The following KLRG1 variants were observed in gnomAD, a reference collection of about 807,000 sequenced individuals.
KLRG1 encodes killer cell lectin like receptor G1.
A neutral mutation model predicts 21.8 loss-of-function variants in KLRG1; 16 were observed. The observed-to-expected ratio is 0.73, with a 90% CI of 0.50 to 1.11. The LOEUF (loss-of-function observed/expected upper bound fraction) is 1.11. Ranked by LOEUF, KLRG1 falls within the 50% of genes most tolerant of loss-of-function variation. KLRG1 has a pLI of 0.00. For missense variants in KLRG1, 173 were observed against 218.3 expected (o/e 0.79, Z 1.31); for synonymous variants, 69 against 75.9 (o/e 0.91, Z 0.47).
intron 1 of KLRG1, among the ~76,000 whole-genome samples, chr12:8,968,504 A>C (rs1215869509): frequency 6.6e-6 from 1 of 152,194 alleles, no homozygotes; most frequent in Non-Finnish European, 1.5e-5. Flanking sequence ...TTGAGAGGAA[A>C]AGACAGGTCC....
chr12:9,103,424 A>G, the KLRG1 span, among the ~76,000 whole-genome samples: 1 of 152,152 alleles, frequency 6.6e-6, no homozygotes, highest in Non-Finnish European at 1.5e-5. Context: ...ATAAACACAC[A>G]CACACACACA....
chr12:9,198,282 T>C, the KLRG1 span, among the ~76,000 whole-genome samples: 1 of 151,772 alleles, frequency 6.6e-6, no homozygotes, highest in Non-Finnish European at 1.5e-5. Flanking sequence ...AGCCCAGGAG[T>C]TTGAGGCTAC....
chr12:9,025,602 A>AC, the KLRG1 span, among the ~76,000 whole-genome samples: 1 of 152,298 alleles, frequency 6.6e-6, no homozygotes, highest in South Asian at 2.1e-4. Context: ...GTGCGACTGC[A>AC]CTCCAGCCTG....
At chr12:9,017,264 CAAAAAAAAAAAAAAA>C in the KLRG1 span, among the ~76,000 whole-genome samples, 1 of 53,130 alleles carries the variant, frequency 1.9e-5, no homozygotes, top group Non-Finnish European at 3.2e-5. Context: ...AACTCCATCT[CAAAAAAAAAAAAAAA>C]AAAAAAAAAA....
At chr12:9,094,120 T>A in the KLRG1 span, among the ~76,000 whole-genome samples, 1 of 152,006 alleles carries the variant, frequency 6.6e-6, no homozygotes, top group Non-Finnish European at 1.5e-5. Context: ...CAAGTTTCCA[T>A]TGGTGTGCTC....
At chr12:9,109,766 AC>A in the KLRG1 span, 7 of 1,171,450 alleles carry the variant, frequency 6.0e-6, no homozygotes, top group African/African-American at 9.2e-5. Context: ...GCCCAATGTC[AC>A]CCATGGGAAA....
chr12:9,114,187 A>G, the KLRG1 span, among the ~76,000 whole-genome samples: 372 of 152,314 alleles, frequency 2.4e-3, no homozygotes, highest in African/African-American at 8.6e-3. Flanking sequence ...CAATGGCTCC[A>G]TCCAAAAATG....
chr12:9,091,456 G>A, the KLRG1 span: 3 of 1,611,290 alleles, frequency 1.9e-6, no homozygotes, highest in East Asian at 6.7e-5. Flanking sequence ...GTGAAGAACA[G>A]AAAGTAAGCA....
At chr12:9,158,563 C>T in the KLRG1 span, 13 of 1,614,028 alleles carry the variant, frequency 8.1e-6, no homozygotes, top group Non-Finnish European at 1.0e-5. Context: ...GTCTTCAGTA[C>T]AAAAGCTGTG....
the KLRG1 span, chr12:9,099,437 C>T: frequency 1.1e-5 from 18 of 1,596,936 alleles, no homozygotes; most frequent in African/African-American, 4.0e-5. Flanking sequence ...ATCACGTCCC[C>T]GGTAGGTAAA....
At chr12:9,087,903 G>A in the KLRG1 span, among the ~76,000 whole-genome samples, 1 of 152,156 alleles carries the variant, frequency 6.6e-6, no homozygotes, top group East Asian at 1.9e-4. Flanking sequence ...TGTTCATTAA[G>A]AGGCTCTTAT....
At chr12:8,958,323 T>C (rs34791180) in intron 1 of KLRG1, among the ~76,000 whole-genome samples, 53,974 of 151,918 alleles carry the variant, frequency 0.36, 10,992 homozygotes, top group South Asian at 0.46. Flanking sequence ...CTTAATTGCG[T>C]CAGAGCTTTG....
At chr12:9,036,276 A>AG in the KLRG1 span, 3 of 152,302 alleles carry the variant, frequency 2.0e-5, no homozygotes, top group African/African-American at 7.2e-5. Flanking sequence ...GACCAGCCTC[A>AG]GCTGAGAGTG....
chr12:9,103,505 A>G, the KLRG1 span, among the ~76,000 whole-genome samples: 1 of 152,220 alleles, frequency 6.6e-6, no homozygotes, highest in East Asian at 1.9e-4. Flanking sequence ...GTTGTGCAAC[A>G]GATCTCCAGA....
chr12:9,053,318 T>C, the KLRG1 span, among the ~76,000 whole-genome samples: 1 of 151,974 alleles, frequency 6.6e-6, no homozygotes, highest in Non-Finnish European at 1.5e-5. Context: ...AAACAAAGAA[T>C]GAATACATAA....
At chr12:9,164,812 ACT>A in the KLRG1 span, among the ~76,000 whole-genome samples, 2 of 152,172 alleles carry the variant, frequency 1.3e-5, no homozygotes, top group African/African-American at 4.8e-5. Flanking sequence ...TTGGAGAATG[ACT>A]CTCGTGGAAC....
chr12:9,016,278 A>C, the KLRG1 span, among the ~76,000 whole-genome samples: 2 of 152,094 alleles, frequency 1.3e-5, no homozygotes, highest in African/African-American at 4.8e-5. Context: ...AAGAAAAAAA[A>C]GAGAGACGAT....
the KLRG1 span, chr12:9,112,140 T>C: frequency 1.9e-6 from 3 of 1,612,616 alleles, no homozygotes; most frequent in African/African-American, 1.3e-5. Flanking sequence ...TCATTTTATG[T>C]AGATAATAGA....
At chr12:9,122,343 ACTGTAGTGCTCATGTTCG>A in the KLRG1 span, among the ~76,000 whole-genome samples, 1 of 152,192 alleles carries the variant, frequency 6.6e-6, no homozygotes, top group Non-Finnish European at 1.5e-5. Context: ...CCCTTTGTTC[ACTGTAGTGCTCATGTTCG>A]CTGTGGAACT....
Sources: gnomAD v4.1 joint callset for allele counts (sites outside exome capture counted in the v4.1 genomes callset) on GRCh38, gnomAD v4.1.1 for gene constraint, MANE v1.5 for transcripts, NCBI Gene and HGNC (gene_info 2026-07-23, HGNC 2026-07-21) for gene names.